Variants in TNS3 observed in about 807,000 individuals in gnomAD.
The protein encoded by TNS3 is tensin-3.
A neutral mutation model predicts 140.9 loss-of-function variants in TNS3; 45 were observed. That is an observed-to-expected ratio of 0.32 (90% CI 0.25 to 0.41). The LOEUF (loss-of-function observed/expected upper bound fraction) is 0.41. Ranked by LOEUF, TNS3 falls within the 10% of genes least tolerant of loss-of-function variation. The probability of loss-of-function intolerance (pLI) is 1.00; values close to 1 mark genes in which losing one functional copy is unlikely to be tolerated. For synonymous variants in TNS3, 815 were observed against 788.4 expected (o/e 1.03, Z -0.56); for missense variants, 1,716 against 1,906.7 (o/e 0.90, Z 1.86).
intron 4 of TNS3, among the ~76,000 whole-genome samples, chr7:47,462,267 T>C (rs527980216): frequency 7.9e-5 from 12 of 152,340 alleles, no homozygotes; most frequent in Admixed American, 7.2e-4. Flanking sequence ...GTAACGATCA[T>C]TGTCACAGCA....
At chr7:47,483,503 C>T (rs191548861) in intron 3 of TNS3, among the ~76,000 whole-genome samples, 166 of 152,324 alleles carry the variant, frequency 1.1e-3, no homozygotes, top group Non-Finnish European at 1.7e-3. Flanking sequence ...CTAAAACTCT[C>T]TTAAAAATAC....
intron 27 of TNS3, among the ~76,000 whole-genome samples, chr7:47,286,793 T>C (rs1785443004): frequency 6.6e-6 from 1 of 152,194 alleles, no homozygotes; most frequent in Non-Finnish European, 1.5e-5. Context: ...AATTATATGA[T>C]GGACTATTGT....
chr7:47,528,517 C>T (rs1216208959), intron 2 of TNS3, among the ~76,000 whole-genome samples: 2 of 152,204 alleles, frequency 1.3e-5, no homozygotes, highest in Non-Finnish European at 2.9e-5. Flanking sequence ...CTCCCACATT[C>T]ATTACAGTCA....
chr7:47,419,217 A>T (rs529426794), intron 10 of TNS3, among the ~76,000 whole-genome samples: 2 of 152,376 alleles, frequency 1.3e-5, no homozygotes, highest in South Asian at 4.1e-4. Flanking sequence ...GTATGCTGCC[A>T]GAGTGTAGGT....
intron 1 of TNS3, among the ~76,000 whole-genome samples, chr7:47,568,350 T>C (rs1016733194): frequency 6.6e-6 from 1 of 152,142 alleles, no homozygotes; most frequent in African/African-American, 2.4e-5. Context: ...AAGCAGACTC[T>C]GGGTCTGAGA....
At chr7:47,288,874 T>C (rs545479041) in intron 27 of TNS3, among the ~76,000 whole-genome samples, 6 of 152,230 alleles carry the variant, frequency 3.9e-5, no homozygotes, top group Non-Finnish European at 8.8e-5. Flanking sequence ...CAGGTCCGCA[T>C]GGCTAAGTGA....
intron 2 of TNS3, among the ~76,000 whole-genome samples, chr7:47,510,129 C>T (rs1584791843): frequency 6.6e-6 from 1 of 152,306 alleles, no homozygotes; most frequent in East Asian, 1.9e-4. Flanking sequence ...ACGTGCTGGA[C>T]AACTGTGTCC....
intron 4 of TNS3, among the ~76,000 whole-genome samples, chr7:47,460,194 CAGAGCAAGACTCTGTCCCAAAAAAAA>C (rs1169836337): frequency 7.4e-6 from 1 of 135,088 alleles, no homozygotes; most frequent in Non-Finnish European, 1.5e-5. Flanking sequence ...GCCCGGGCGA[CAGAGCAAGACTCTGTCCCAAAAAAAA>C]AAAAAAAAAA....
intron 16 of TNS3, among the ~76,000 whole-genome samples, chr7:47,389,906 T>C (rs1792413371): frequency 6.6e-6 from 1 of 152,256 alleles, no homozygotes; most frequent in Non-Finnish European, 1.5e-5. Flanking sequence ...TTCTGTCTCA[T>C]ACAACTTCAG....
chr7:47,428,491 A>G lies in TNS3; in HGVS notation c.325-115T>C, dbSNP rs878924437. The G allele has an allele frequency of 3.1e-5, 22 of 712,940 alleles. No homozygotes were observed. In the South Asian group the frequency reaches 7.1e-4, roughly 23 times the overall value. 44.2% of individuals were successfully genotyped at this position (712,940 alleles called of 1,614,324 possible). ...CAATAGAGAGCCTGCTTTGGTGGTA[A>G]GGCCAGCATTACCCACAGCCTTCCT... On this transcript the variant is annotated intron_variant, in intron 8 of 30. Coordinates refer to ENST00000311160, the MANE Select transcript of TNS3 (RefSeq NM_022748.12).
At chr7:47,553,359 C>T (rs1001190600) in intron 1 of TNS3, among the ~76,000 whole-genome samples, 2 of 152,220 alleles carry the variant, frequency 1.3e-5, no homozygotes, top group African/African-American at 2.4e-5. Context: ...AAGTCAATGT[C>T]AAGCTTCAAA....
chr7:47,384,340 A>T (rs1791949882), intron 16 of TNS3, among the ~76,000 whole-genome samples: 1 of 151,620 alleles, frequency 6.6e-6, no homozygotes. Flanking sequence ...TTCACCCAAA[A>T]CTCATTTCTC....
At chr7:47,315,394 C>T (rs1787339512) in intron 20 of TNS3, among the ~76,000 whole-genome samples, 2 of 152,326 alleles carry the variant, frequency 1.3e-5, no homozygotes, top group South Asian at 4.1e-4. Context: ...AGGCGCGTGC[C>T]CGTCGTTCTG....
In TNS3 at chr7:47,378,478, G is replaced by A. The variant is rs528742017; in HGVS notation, c.1025-8857C>T. Among the ~76,000 whole-genome samples, 5 of 152,158 alleles carry A rather than the reference G, an allele frequency of 3.3e-5. No individual in the cohort carries two copies. The East Asian group carries it at 5.8e-4, about 18-fold the overall frequency. On this transcript the variant is annotated intron_variant, in intron 16 of 30. Transcript: ENST00000311160. ...ACTTTGCTAACCATCCACCCAGTGC[G>A]ACTTTATGGCCAAGCTGCCCAGCTC...
chr7:47,511,410 T>C (rs1798601462), intron 2 of TNS3, among the ~76,000 whole-genome samples: 1 of 152,048 alleles, frequency 6.6e-6, no homozygotes, highest in Admixed American at 6.6e-5. Flanking sequence ...TTTTGAAACA[T>C]AGTTATTTTT....
At position 47,438,002 on chromosome 7, in the gene TNS3, G is replaced by T. The variant is rs1047046169; in HGVS notation, c.151-689C>A. 1.7e-4 allele frequency among the ~76,000 whole-genome samples: 26 copies of T among 150,142 alleles called. 1 individual carries two copies. The highest frequency in any genetic ancestry group is 6.1e-4 in the African/African-American group (25 of 41,098). On this transcript the variant is annotated intron_variant, in intron 6 of 30. Coordinates refer to ENST00000311160, the MANE Select transcript of TNS3 (RefSeq NM_022748.12). The stretch of plus-strand genomic sequence containing the variant: ...GTTCACTGAAAAATCACAGCCATTT[G>T]TGGAACCTTGCTAAATACTCAAGTA...
intron 4 of TNS3, among the ~76,000 whole-genome samples, chr7:47,468,549 A>G (rs771940957): frequency 6.6e-6 from 1 of 152,232 alleles, no homozygotes; most frequent in African/African-American, 2.4e-5. Flanking sequence ...GGGCCTCTCC[A>G]TATTTAAAAT....
chr7:47,369,613 T>C lies in TNS3; in HGVS notation c.1033A>G (p.Thr345Ala). 1.3e-6 allele frequency: 2 copies of C among 1,567,416 alleles called. No individual in the cohort carries two copies. Among genetic ancestry groups the C allele is most frequent in the Non-Finnish European group, 1.7e-6 (2 of 1,156,650 alleles). Reference sequence around the variant, plus strand: ...AGGCTGCCATCGACAGGGCCCTGCGTGTGTAGCACTGCGGGGGAGAAAACC... The same window carrying C: ...AGGCTGCCATCGACAGGGCCCTGCGCGTGTAGCACTGCGGGGGAGAAAACC... Reference protein sequence around the residue: ...NLSADGEVLHTQGPVDGSLYA... With the variant: ...NLSADGEVLHAQGPVDGSLYA... Residue 345 changes from threonine (T) to alanine (A), a missense_variant, in exon 17 of 31, where the codon ACG becomes GCG. Physicochemically the swap from Thr to Ala is moderately conservative, Grantham distance 58. Transcript: ENST00000311160.
intron 1 of TNS3, among the ~76,000 whole-genome samples, chr7:47,565,758 T>C (rs1429791771): frequency 2.6e-5 from 4 of 152,216 alleles, no homozygotes; most frequent in Non-Finnish European, 5.9e-5. Context: ...AAATTTACAC[T>C]AGTTAACACC....
Sources: allele counts gnomAD v4.1 joint callset (sites outside exome capture counted in the v4.1 genomes callset), GRCh38; gene constraint gnomAD v4.1.1; transcripts MANE v1.5; gene names NCBI Gene and HGNC (gene_info 2026-07-23, HGNC 2026-07-21).